Variants in SLC14A2 observed in about 807,000 individuals in gnomAD.
SLC14A2 encodes the protein urea transporter 2.
SLC14A2 carries 91 observed loss-of-function variants against 104.6 expected under a neutral mutation model. The ratio of observed to expected loss-of-function variants is 0.87; its 90% CI spans 0.73 to 1.04. The LOEUF (loss-of-function observed/expected upper bound fraction) is 1.04, where lower values mean the gene tolerates loss of function less well. Among genes scored for constraint, SLC14A2 ranks in the 50% least tolerant of loss-of-function variants. The pLI is 0.00. For missense variants in SLC14A2, 1,189 were observed against 1,156.0 expected (o/e 1.03, Z -0.41); for synonymous variants, 476 against 466.4 (o/e 1.02, Z -0.27).
At chr18:45,383,759 A>C (rs965198477) in intron 1 of SLC14A2, among the ~76,000 whole-genome samples, 6 of 152,098 alleles carry the variant, frequency 3.9e-5, no homozygotes, top group Admixed American at 1.3e-4. Context: ...CCACCATCCC[A>C]GTGGCATGTG....
chr18:45,198,954 ACTT>A, the SLC14A2 span, among the ~76,000 whole-genome samples: 1 of 152,018 alleles, frequency 6.6e-6, no homozygotes, highest in Non-Finnish European at 1.5e-5. Context: ...CTTGATTCCC[ACTT>A]CTTCTGGATT....
intron 1 of SLC14A2, among the ~76,000 whole-genome samples, chr18:45,228,400 G>A (rs1418358806): frequency 1.3e-5 from 2 of 152,084 alleles, no homozygotes; most frequent in Non-Finnish European, 1.5e-5. Flanking sequence ...CTTGATGTGT[G>A]GATGCCCTTC....
At chr18:45,470,246 A>T (rs146687343) in intron 1 of SLC14A2, among the ~76,000 whole-genome samples, 1,593 of 152,252 alleles carry the variant, frequency 0.01, 18 homozygotes, top group African/African-American at 0.025. Context: ...AACCTGTCTG[A>T]TACATGCCTG....
the SLC14A2 span, chr18:45,168,864 C>A: frequency 6.6e-6 from 1 of 152,084 alleles, no homozygotes; most frequent in Non-Finnish European, 1.5e-5. Flanking sequence ...CTCCTGCTCT[C>A]TATATATTAA....
At chr18:45,407,918 T>C (rs1208977273) in intron 1 of SLC14A2, among the ~76,000 whole-genome samples, 1 of 152,100 alleles carries the variant, frequency 6.6e-6, no homozygotes, top group Admixed American at 6.5e-5. Flanking sequence ...ACAGATATAA[T>C]GGTAATGGAA....
chr18:45,627,569 T>C (rs1369635897), intron 4 of SLC14A2, among the ~76,000 whole-genome samples: 1 of 151,994 alleles, frequency 6.6e-6, no homozygotes, highest in Non-Finnish European at 1.5e-5. Flanking sequence ...AGGTTGCATA[T>C]GGGGGATCTG....
intron 1 of SLC14A2, chr18:45,482,511 T>C (rs894394915): frequency 6.6e-6 from 1 of 152,212 alleles, no homozygotes; most frequent in Admixed American, 6.5e-5. Flanking sequence ...AGGCTTAACA[T>C]GGAGAGGATT....
At chr18:45,517,203 G>C (rs1315671379) in intron 2 of SLC14A2, among the ~76,000 whole-genome samples, 1 of 152,220 alleles carries the variant, frequency 6.6e-6, no homozygotes, top group Non-Finnish European at 1.5e-5. Context: ...AGATTCATCT[G>C]CCTCTGGTTA....
rs551779626 is a variant in SLC14A2 at position 45,619,876 on chromosome 18, G to A, written c.-35+4294G>A. On this transcript the variant is annotated intron_variant, in intron 1 of 19. Transcript: ENST00000255226. ...AGAGGGAAAAGTAAGATCACTAAGCGCCTACTATGTGCCAGGAACCAAGTC... is the reference window on the plus strand; with the variant it reads ...AGAGGGAAAAGTAAGATCACTAAGCACCTACTATGTGCCAGGAACCAAGTC... 4.6e-5 allele frequency among the ~76,000 whole-genome samples: 7 copies of A among 152,288 alleles called. No homozygotes were observed. The South Asian group carries it at 1.5e-3, about 32-fold the overall frequency.
At chr18:45,351,041 C>CCTTTCTT (rs1236925238) in intron 1 of SLC14A2, among the ~76,000 whole-genome samples, 2 of 152,050 alleles carry the variant, frequency 1.3e-5, no homozygotes, top group Non-Finnish European at 2.9e-5. Flanking sequence ...ACCGTCTCTC[C>CCTTTCTT]CTTTCTTCTT....
chr18:45,222,017 G>C (rs1422220608), intron 1 of SLC14A2, among the ~76,000 whole-genome samples: 1 of 152,184 alleles, frequency 6.6e-6, no homozygotes, highest in Non-Finnish European at 1.5e-5. Flanking sequence ...ACAAAGCTCA[G>C]AAGTCCATTA....
At chr18:45,583,898 T>C (rs1335061911) in intron 2 of SLC14A2, among the ~76,000 whole-genome samples, 1 of 152,208 alleles carries the variant, frequency 6.6e-6, no homozygotes, top group Non-Finnish European at 1.5e-5. Context: ...CAGTACACCA[T>C]TGCATGCAAG....
chr18:45,537,362 A>C (rs976783647), intron 2 of SLC14A2, among the ~76,000 whole-genome samples: 2 of 152,196 alleles, frequency 1.3e-5, no homozygotes, highest in African/African-American at 4.8e-5. Flanking sequence ...GGGTTGAGCT[A>C]TCAAGATAGA....
intron 1 of SLC14A2, among the ~76,000 whole-genome samples, chr18:45,443,771 T>C (rs1355131610): frequency 1.3e-5 from 2 of 152,150 alleles, no homozygotes; most frequent in Non-Finnish European, 2.9e-5. Context: ...TTTTGGGGTA[T>C]GTTTTTCTGA....
intron 1 of SLC14A2, among the ~76,000 whole-genome samples, chr18:45,280,975 G>A (rs547267597): frequency 1.3e-5 from 2 of 151,988 alleles, no homozygotes; most frequent in African/African-American, 4.8e-5. Context: ...ATCTGTCACC[G>A]AGGTCTCCAG....
Position 45,625,715 on chromosome 18 carries a change from T to C in SLC14A2, c.183T>C (p.Ile61=), listed in dbSNP as rs1568303643. 1 of 1,562,686 alleles carries C rather than the reference T, an allele frequency of 6.4e-7. No homozygotes were observed. Among genetic ancestry groups the C allele is most frequent in the Admixed American group, 2.0e-5 (1 of 49,842 alleles). ...GGTCTTCCAATGAAGACAGTCACAT[T>C]GTGAAGATCGAAAAGCTCAATGAAA... ...DLRSSNEDSH[I]VKIEKLNERS... The change falls in exon 3 of 20, where the codon ATT becomes ATC. Residue 61 remains isoleucine (I), a synonymous_variant. Transcript: ENST00000255226.
At chr18:45,480,139 C>T (rs1833408) in intron 1 of SLC14A2, among the ~76,000 whole-genome samples, 281 of 152,260 alleles carry the variant, frequency 1.8e-3, no homozygotes, top group Middle Eastern at 6.8e-3. Flanking sequence ...TATTCTTATG[C>T]CTTCCACATG....
chr18:45,263,826 C>T (rs2084564447), intron 1 of SLC14A2, among the ~76,000 whole-genome samples: 1 of 152,100 alleles, frequency 6.6e-6, no homozygotes, highest in Non-Finnish European at 1.5e-5. Flanking sequence ...CAATATGTTC[C>T]AGGATCATTT....
chr18:45,210,315 T>G (rs1433893230), upstream of SLC14A2, among the ~76,000 whole-genome samples: 3 of 152,188 alleles, frequency 2.0e-5, no homozygotes, highest in Admixed American at 6.5e-5. Context: ...AAAGGTGGCC[T>G]GGCATGCTGG....
Sources: allele counts gnomAD v4.1 joint callset (sites outside exome capture counted in the v4.1 genomes callset), GRCh38; gene constraint gnomAD v4.1.1; transcripts MANE v1.5; gene names NCBI Gene and HGNC (gene_info 2026-07-23, HGNC 2026-07-21).